ZC3H12B: variants seen among roughly 807,000 people sequenced by gnomAD.
ZC3H12B encodes probable ribonuclease ZC3H12B.
ZC3H12B carries 7 observed loss-of-function variants against 43.9 expected under a neutral mutation model. The ratio of observed to expected loss-of-function variants is 0.16; its 90% CI spans 0.09 to 0.30. ZC3H12B has a LOEUF of 0.30. ZC3H12B is among the 10% of genes least tolerant of loss of function. The pLI, the probability that ZC3H12B is intolerant of heterozygous loss-of-function variation, is 1.00. For synonymous variants in ZC3H12B, 222 were observed against 241.7 expected, an observed-to-expected ratio of 0.92 and a Z score of 0.76; for missense variants, 475 against 670.2, an observed-to-expected ratio of 0.71 and a Z score of 3.22.
the ZC3H12B span, among the ~76,000 whole-genome samples, chrX:65,119,466 T>G: frequency 8.9e-6 from 1 of 112,267 alleles, no homozygotes; most frequent in Non-Finnish European, 1.9e-5. Flanking sequence ...AAGTGTCCGT[T>G]CATATCCTTC....
chrX:65,116,405 ATG>A, the ZC3H12B span, among the ~76,000 whole-genome samples: 1 of 111,056 alleles, frequency 9.0e-6, no homozygotes, highest in African/African-American at 3.3e-5. Context: ...CCATTGGTCT[ATG>A]TGCCTATTTT....
At chrX:65,263,705 T>C in the ZC3H12B span, among the ~76,000 whole-genome samples, 6 of 111,704 alleles carry the variant, frequency 5.4e-5, no homozygotes, top group Non-Finnish European at 1.1e-4. Flanking sequence ...GGATGTTTCC[T>C]GCTGTTGGGA....
chrX:65,273,995 G>A, the ZC3H12B span, among the ~76,000 whole-genome samples: 2 of 112,076 alleles, frequency 1.8e-5, no homozygotes, highest in African/African-American at 6.5e-5. Context: ...GAGATTGTTG[G>A]AGTGTAGCAG....
Position 65,426,534 on chromosome X carries a change from GGTTCTCTA to G in ZC3H12B, n.407+27836_407+27843del, listed in dbSNP as rs757983918. On this transcript the variant is annotated intron_variant and non_coding_transcript_variant, in intron 3 of 5. Transcript: ENST00000617377. ...CTAGCTTTGGGGTTCATTTTCTCTT[GGTTCTCTA>G]GTTCTTTTAATTGAGATGTTAGGTT... Among the ~76,000 whole-genome samples the G allele has an allele frequency of 1.7e-4, 19 of 109,380 alleles. No homozygotes were observed. In the South Asian group the frequency reaches 7.5e-3, roughly 43 times the overall value. 95.0% of individuals were successfully genotyped at this position (109,380 alleles called of 115,157 possible). A position where few individuals can be genotyped will look rare whatever the true frequency, so the allele number is the denominator to read the frequency against.
chrX:65,305,631 C>G, the ZC3H12B span, among the ~76,000 whole-genome samples: 3 of 111,537 alleles, frequency 2.7e-5, no homozygotes, highest in African/African-American at 6.5e-5. Flanking sequence ...ATTGTGTTTT[C>G]TTTGCAGTTT....
At chrX:65,237,392 G>A in the ZC3H12B span, among the ~76,000 whole-genome samples, 3 of 111,440 alleles carry the variant, frequency 2.7e-5, no homozygotes, top group South Asian at 3.7e-4. Context: ...AGAAATGCTA[G>A]CAATTTTTGC....
chrX:65,464,770 AGC>A (rs1457784152), intron 3 of ZC3H12B, among the ~76,000 whole-genome samples: 7 of 110,408 alleles, frequency 6.3e-5, no homozygotes, highest in Non-Finnish European at 1.1e-4. Context: ...CTTTTCTTTA[AGC>A]ACTGTTTTGC....
At chrX:65,312,538 T>C in the ZC3H12B span, among the ~76,000 whole-genome samples, 1 of 111,486 alleles carries the variant, frequency 9.0e-6, no homozygotes, top group Non-Finnish European at 1.9e-5. Context: ...TGGGCCCCTC[T>C]TGTGAAAGGT....
chrX:65,488,070 A>C (rs1310681662), upstream of ZC3H12B, among the ~76,000 whole-genome samples: 4 of 110,336 alleles, frequency 3.6e-5, no homozygotes, highest in Middle Eastern at 4.7e-3. Flanking sequence ...ACGGGGTTTC[A>C]CCATGTTAGC....
the ZC3H12B span, among the ~76,000 whole-genome samples, chrX:65,198,423 G>C: frequency 3.6e-5 from 4 of 111,993 alleles, no homozygotes; most frequent in East Asian, 1.1e-3. Flanking sequence ...TGTAGGATAG[G>C]TCCAGTGTTG....
exon 5 of ZC3H12B, chrX:65,502,084 C>A (rs1395941159): frequency 8.3e-7 from 1 of 1,211,293 alleles, no homozygotes; most frequent in African/African-American, 1.7e-5. Context: ...CTAGTTCTGT[C>A]CCCTCGCTTG....
exon 5 of ZC3H12B, chrX:65,502,743 C>A: frequency 8.3e-7 from 1 of 1,210,860 alleles, no homozygotes; most frequent in Non-Finnish European, 1.1e-6. Flanking sequence ...CCCATGCCTC[C>A]CAATATCCAT....
the ZC3H12B span, among the ~76,000 whole-genome samples, chrX:65,320,303 C>A: frequency 1.8e-5 from 2 of 111,261 alleles, no homozygotes; most frequent in Non-Finnish European, 3.8e-5. Context: ...ACAACTTCCA[C>A]AAAAAGATTA....
At chrX:65,110,631 C>T in the ZC3H12B span, among the ~76,000 whole-genome samples, 1 of 111,403 alleles carries the variant, frequency 9.0e-6, no homozygotes, top group South Asian at 3.7e-4. Context: ...AGCATTAATT[C>T]CACACAATCT....
the ZC3H12B span, among the ~76,000 whole-genome samples, chrX:65,311,513 T>C: frequency 8.9e-6 from 1 of 111,972 alleles, no homozygotes; most frequent in Non-Finnish European, 1.9e-5. Flanking sequence ...GGAGAGAATC[T>C]GGAGAAATAA....
chrX:65,041,205 A>G, the ZC3H12B span, among the ~76,000 whole-genome samples: 1 of 112,423 alleles, frequency 8.9e-6, no homozygotes, highest in African/African-American at 3.2e-5. Flanking sequence ...AATTATTACA[A>G]ATTCTGAATC....
the ZC3H12B span, among the ~76,000 whole-genome samples, chrX:65,192,718 T>C: frequency 1.3e-4 from 15 of 111,298 alleles, no homozygotes; most frequent in African/African-American, 4.9e-4. Context: ...TGATGAATGA[T>C]ATTTTTATGT....
chrX:65,454,190 G>A lies in ZC3H12B; in HGVS notation n.408-34456G>A, dbSNP rs193274424. ...CAAGCCTGAGCTGAAGCAGGGCGAG[G>A]CATCACCTCACCTGGGAAGCACAAG... On this transcript the variant is annotated intron_variant and non_coding_transcript_variant, in intron 3 of 5. Transcript: ENST00000617377. Among the ~76,000 whole-genome samples the A allele has an allele frequency of 6.7e-3, 758 of 112,847 alleles. 6 individuals are homozygous for A. Among genetic ancestry groups the A allele is most frequent in the African/African-American group, 0.022 (681 of 31,138 alleles).
the ZC3H12B span, among the ~76,000 whole-genome samples, chrX:65,234,265 T>C: frequency 8.9e-6 from 1 of 112,061 alleles, no homozygotes; most frequent in African/African-American, 3.2e-5. Context: ...AAACATATGG[T>C]CATTCCAATA....
Sources: gnomAD v4.1 joint callset for allele counts (sites outside exome capture counted in the v4.1 genomes callset) on GRCh38, gnomAD v4.1.1 for gene constraint, MANE v1.5 for transcripts, NCBI Gene and HGNC (gene_info 2026-07-23, HGNC 2026-07-21) for gene names.